The following SORCS1 variants were observed in gnomAD, a reference collection of about 807,000 sequenced individuals.
SORCS1 encodes the protein VPS10 domain-containing receptor SorCS1.
In SORCS1, 60 loss-of-function variants were observed where a neutral mutation model predicts 146.1. The observed-to-expected ratio is 0.41, with a 90% confidence interval of 0.33 to 0.51. The LOEUF (loss-of-function observed/expected upper bound fraction) is 0.51. SORCS1 is among the 20% of genes least tolerant of loss of function. SORCS1 has a pLI of 0.21. For synonymous variants in SORCS1, 637 were observed against 584.0 expected (o/e 1.09, Z -1.31); for missense variants, 1,352 against 1,487.6 (o/e 0.91, Z 1.50).
chr10:107,036,364 G>C (rs1958905561), intron 1 of SORCS1, among the ~76,000 whole-genome samples: 1 of 152,206 alleles, frequency 6.6e-6, no homozygotes, highest in African/African-American at 2.4e-5. Context: ...TGCAGATTTT[G>C]GTATTCACGG....
intron 1 of SORCS1, among the ~76,000 whole-genome samples, chr10:107,115,996 C>T (rs1966016356): frequency 1.3e-5 from 2 of 151,884 alleles, no homozygotes. Context: ...TGTATGTTTT[C>T]TTTGAAAAAT....
At chr10:107,035,527 A>T (rs1958870172) in intron 1 of SORCS1, among the ~76,000 whole-genome samples, 1 of 152,178 alleles carries the variant, frequency 6.6e-6, no homozygotes, top group Admixed American at 6.5e-5. Flanking sequence ...GTAACAAATT[A>T]AAAGTGAATC....
chr10:106,911,427 G>A (rs1412969854), intron 2 of SORCS1, among the ~76,000 whole-genome samples: 1 of 152,048 alleles, frequency 6.6e-6, no homozygotes, highest in Non-Finnish European at 1.5e-5. Flanking sequence ...ACCTGCAAAT[G>A]TCCTTTTCTT....
At chr10:106,982,546 A>G (rs940263674) in intron 1 of SORCS1, among the ~76,000 whole-genome samples, 2 of 152,178 alleles carry the variant, frequency 1.3e-5, no homozygotes, top group Non-Finnish European at 2.9e-5. Context: ...TCTTTCACCA[A>G]ACTATTACCA....
intron 2 of SORCS1, among the ~76,000 whole-genome samples, chr10:106,920,426 A>C (rs11193101): frequency 0.056 from 8,558 of 152,206 alleles, 264 homozygotes; most frequent in African/African-American, 0.083. Flanking sequence ...GCATGGTCTT[A>C]ATTTCTGTAA....
At chr10:106,727,225 G>A (rs1006473906) in intron 6 of SORCS1, among the ~76,000 whole-genome samples, 1 of 152,204 alleles carries the variant, frequency 6.6e-6, no homozygotes, top group Non-Finnish European at 1.5e-5. Flanking sequence ...CAGACAACCT[G>A]GTAAGTGAGG....
intron 2 of SORCS1, among the ~76,000 whole-genome samples, chr10:106,900,190 C>T (rs143947502): frequency 6.6e-6 from 1 of 152,162 alleles, no homozygotes; most frequent in Non-Finnish European, 1.5e-5. Flanking sequence ...TGAACGCTTA[C>T]CACACTGTTG....
chr10:106,642,809 A>G lies in SORCS1; in HGVS notation c.2475+9573T>C, dbSNP rs549408668. ...AGGGGGAACCCAGAGAGGATTTCGC[A>G]TCTCTCTTTGCTGAAATGTTTTTCC... On this transcript the variant is annotated intron_variant, in intron 18 of 25. Coordinates refer to ENST00000263054, the MANE Select transcript of SORCS1 (RefSeq NM_052918.5). Among the ~76,000 whole-genome samples the G allele has an allele frequency of 7.5e-4, 114 of 152,298 alleles. 1 individual carries two copies. The Middle Eastern group carries it at 0.014, about 18-fold the overall frequency.
At chr10:106,609,275 G>C (rs1846813839) in intron 22 of SORCS1, among the ~76,000 whole-genome samples, 1 of 152,182 alleles carries the variant, frequency 6.6e-6, no homozygotes, top group African/African-American at 2.4e-5. Flanking sequence ...TGTAAACTCA[G>C]AGATTGTGCC....
intron 4 of SORCS1, among the ~76,000 whole-genome samples, chr10:106,764,389 G>T (rs1392355325): frequency 6.6e-6 from 1 of 152,218 alleles, no homozygotes; most frequent in Non-Finnish European, 1.5e-5. Context: ...GAAGGGAATG[G>T]TATCAAAGCA....
At chr10:106,978,812 AG>A (rs1956141502) in intron 1 of SORCS1, among the ~76,000 whole-genome samples, 2 of 150,702 alleles carry the variant, frequency 1.3e-5, no homozygotes, top group African/African-American at 4.8e-5. Context: ...AAAAAAAAAA[AG>A]ACTAAATAGT....
At chr10:106,897,474 CTTTTCTA>C (rs1951534846) in intron 2 of SORCS1, among the ~76,000 whole-genome samples, 1 of 152,000 alleles carries the variant, frequency 6.6e-6, no homozygotes, top group Non-Finnish European at 1.5e-5. Context: ...AAAGATATAC[CTTTTCTA>C]TTCACTTCTC....
At chr10:106,611,495 C>A (rs1385662291) in intron 22 of SORCS1, among the ~76,000 whole-genome samples, 2 of 152,192 alleles carry the variant, frequency 1.3e-5, no homozygotes, top group African/African-American at 2.4e-5. Flanking sequence ...GAACCTGGGA[C>A]CACTCTTACT....
chr10:107,051,127 T>C (rs1314608916), intron 1 of SORCS1, among the ~76,000 whole-genome samples: 1 of 152,130 alleles, frequency 6.6e-6, no homozygotes, highest in African/African-American at 2.4e-5. Context: ...AAGTCTAGAA[T>C]ATTGTTCTCA....
chr10:106,828,106 G>A, intron 3 of SORCS1, among the ~76,000 whole-genome samples: 1 of 152,172 alleles, frequency 6.6e-6, no homozygotes, highest in Non-Finnish European at 1.5e-5. Context: ...AGGTAGGTAG[G>A]TACTGTAACT....
chr10:107,147,682 A>T (rs1968446887), intron 1 of SORCS1, among the ~76,000 whole-genome samples: 1 of 152,228 alleles, frequency 6.6e-6, no homozygotes, highest in African/African-American at 2.4e-5. Context: ...TTTATCTTCT[A>T]TACCAAGAGA....
rs1947365979 is a variant in SORCS1, at chr10:106,809,719, T to C, written c.726+19855A>G. On this transcript the variant is annotated intron_variant, in intron 3 of 25. Coordinates refer to ENST00000263054, the MANE Select transcript of SORCS1 (RefSeq NM_052918.5). ...TCCAGAATCTGTTTGTAGGCTGATA[T>C]GAGCACCTGGCTCTCTATTAAAGTG... is the stretch of plus-strand genomic sequence containing the variant. Among the ~76,000 whole-genome samples the C allele has an allele frequency of 2.0e-5, 3 of 152,338 alleles. No homozygotes were observed. In the South Asian group the frequency reaches 6.2e-4, roughly 32 times the overall value.
chr10:107,124,953 C>CTTTTTTTTTTTTTTT (rs577523339), intron 1 of SORCS1, among the ~76,000 whole-genome samples: 4 of 121,608 alleles, frequency 3.3e-5, no homozygotes, highest in East Asian at 2.2e-4. Flanking sequence ...TTTTCTTTTT[C>CTTTTTTTTTTTTTTT]TTTTTTTTTT....
intron 7 of SORCS1, among the ~76,000 whole-genome samples, chr10:106,708,954 T>C (rs888260879): frequency 2.0e-5 from 3 of 152,182 alleles, no homozygotes; most frequent in African/African-American, 7.2e-5. Context: ...ATCTCACTAC[T>C]CTGTGCGATG....
Sources: gnomAD v4.1 joint callset for allele counts (sites outside exome capture counted in the v4.1 genomes callset) on GRCh38, gnomAD v4.1.1 for gene constraint, MANE v1.5 for transcripts, NCBI Gene and HGNC (gene_info 2026-07-23, HGNC 2026-07-21) for gene names.